CSMD3: variants seen among roughly 807,000 people sequenced by gnomAD.
CSMD3 encodes the protein CUB and Sushi multiple domains 3, also known as CUB and sushi domain-containing protein 3.
CSMD3 carries 177 observed loss-of-function variants against 435.2 expected under a neutral mutation model. The observed-to-expected ratio is 0.41, with a 90% CI of 0.36 to 0.46. CSMD3 has a LOEUF of 0.46. Among genes scored for constraint, CSMD3 ranks in the 20% least tolerant of loss-of-function variants. The pLI, the probability that CSMD3 is intolerant of heterozygous loss-of-function variation, is 0.34. For synonymous variants in CSMD3, 1,656 were observed against 1,520.5 expected, an observed-to-expected ratio of 1.09 and a Z score of -2.07; for missense variants, 4,265 against 4,504.6, an observed-to-expected ratio of 0.95 and a Z score of 1.52.
chr8:112,374,910 G>A (rs1442775208), intron 38 of CSMD3, among the ~76,000 whole-genome samples: 1 of 152,018 alleles, frequency 6.6e-6, no homozygotes, highest in African/African-American at 2.4e-5. Context: ...AAGTGTCTAG[G>A]GATCATTTTG....
intron 5 of CSMD3, among the ~76,000 whole-genome samples, chr8:113,029,377 C>T (rs925863189): frequency 1.3e-5 from 2 of 151,468 alleles, no homozygotes; most frequent in African/African-American, 4.8e-5. Context: ...AAATCTGTAA[C>T]AAAATACTAG....
At chr8:112,300,712 A>C (rs73326611) in intron 53 of CSMD3, among the ~76,000 whole-genome samples, 6,566 of 152,254 alleles carry the variant, frequency 0.043, 233 homozygotes, top group East Asian at 0.15. Context: ...GTGTGCTCTT[A>C]TAAAGAAATT....
chr8:112,999,048 C>G (rs959823233), intron 6 of CSMD3, among the ~76,000 whole-genome samples: 2 of 151,902 alleles, frequency 1.3e-5, no homozygotes, highest in Non-Finnish European at 2.9e-5. Flanking sequence ...ACCATTCTAT[C>G]TCTTCAATTT....
intron 32 of CSMD3, among the ~76,000 whole-genome samples, chr8:112,464,841 C>T (rs1817802075): frequency 6.6e-6 from 1 of 152,112 alleles, no homozygotes; most frequent in Non-Finnish European, 1.5e-5. Context: ...CAATAAGGCA[C>T]ACCCTATAAT....
At chr8:112,499,064 G>T (rs1821664824) in intron 30 of CSMD3, among the ~76,000 whole-genome samples, 1 of 152,012 alleles carries the variant, frequency 6.6e-6, no homozygotes, top group Non-Finnish European at 1.5e-5. Flanking sequence ...TGTGTAGGGG[G>T]CTACTGGAGT....
chr8:112,445,541 T>C (rs1815508020), intron 32 of CSMD3, among the ~76,000 whole-genome samples: 1 of 152,058 alleles, frequency 6.6e-6, no homozygotes, highest in African/African-American at 2.4e-5. Context: ...CAACCAGCTA[T>C]CACATGAACT....
chr8:113,011,703 G>A (rs993900047), intron 6 of CSMD3, among the ~76,000 whole-genome samples: 17 of 151,472 alleles, frequency 1.1e-4, no homozygotes, highest in African/African-American at 2.9e-4. Context: ...ATTTAAAATC[G>A]TTCTTGATTA....
At chr8:112,306,648 A>G (rs1046938679) in intron 50 of CSMD3, among the ~76,000 whole-genome samples, 19 of 152,200 alleles carry the variant, frequency 1.2e-4, no homozygotes, top group Non-Finnish European at 2.8e-4. Context: ...GAATAAATCA[A>G]ATAGATTTAT....
chr8:112,248,108 A>G (rs1206956182), intron 63 of CSMD3, among the ~76,000 whole-genome samples: 1 of 152,126 alleles, frequency 6.6e-6, no homozygotes, highest in Non-Finnish European at 1.5e-5. Flanking sequence ...CTTTACTTGA[A>G]TAAGTCATAT....
intron 22 of CSMD3, among the ~76,000 whole-genome samples, chr8:112,621,838 T>C (rs1269573155): frequency 1.3e-5 from 2 of 152,180 alleles, no homozygotes; most frequent in African/African-American, 4.8e-5. Flanking sequence ...AAAATATCTA[T>C]ATGCTAATAT....
chr8:112,578,547 T>G (rs775457135), intron 23 of CSMD3, among the ~76,000 whole-genome samples: 26 of 151,886 alleles, frequency 1.7e-4, no homozygotes, highest in Non-Finnish European at 2.6e-4. Context: ...CAGATATGTG[T>G]GCTGGACATA....
At chr8:112,767,882 C>G (rs966494026) in intron 13 of CSMD3, among the ~76,000 whole-genome samples, 1 of 151,706 alleles carries the variant, frequency 6.6e-6, no homozygotes, top group Admixed American at 6.6e-5. Context: ...ATTGAGCAAG[C>G]CTTTTATATC....
At chr8:113,171,607 T>G (rs1243408393) in intron 4 of CSMD3, among the ~76,000 whole-genome samples, 1 of 152,122 alleles carries the variant, frequency 6.6e-6, no homozygotes, top group Non-Finnish European at 1.5e-5. Context: ...ATCCAATTCC[T>G]CCAATTATAA....
Position 112,686,702 on chromosome 8 carries a change from T to C in CSMD3, c.2156-970A>G, listed in dbSNP as rs146282853. ...GGTTTCGCCATATTGGTCAAGCTGA[T>C]CTCGAACGCCTGACCTCAAGTGATC... is the stretch of plus-strand genomic sequence containing the variant. On this transcript the variant is annotated intron_variant, in intron 14 of 70. Coordinates refer to ENST00000297405, the MANE Select transcript of CSMD3 (RefSeq NM_198123.2). 7.4e-3 allele frequency among the ~76,000 whole-genome samples: 1,125 copies of C among 152,038 alleles called. 12 individuals carry two copies. Among genetic ancestry groups the C allele is most frequent in the African/African-American group, 0.025 (1,036 of 41,516 alleles).
At chr8:112,706,979 C>G (rs2076512076) in intron 13 of CSMD3, among the ~76,000 whole-genome samples, 1 of 151,948 alleles carries the variant, frequency 6.6e-6, no homozygotes, top group Non-Finnish European at 1.5e-5. Flanking sequence ...CTCTGAAGTA[C>G]CTTGAATGAA....
rs1832287088 is a variant in CSMD3, at chr8:112,410,628, G to GTATATATGTATATATATGTGTA, written c.5396-1597_5396-1596insTACACATATATATACATATATA. 3.1e-4 allele frequency among the ~76,000 whole-genome samples: 22 copies of GTATATATGTATATATATGTGTA among 69,952 alleles called. 2 individuals are homozygous for GTATATATGTATATATATGTGTA. Among genetic ancestry groups the GTATATATGTATATATATGTGTA allele is most frequent in the African/African-American group, 8.8e-4 (19 of 21,670 alleles). 45.9% of individuals were successfully genotyped at this position (69,952 alleles called of 152,430 possible). A position where few individuals can be genotyped will look rare whatever the true frequency, so the allele number is the denominator to read the frequency against. On this transcript the variant is annotated intron_variant, in intron 32 of 70. Coordinates refer to ENST00000297405, the MANE Select transcript of CSMD3 (RefSeq NM_198123.2). ...TGTATATATATATGTATATATATGT[G>GTATATATGTATATATATGTGTA]TATATATATGTATATATATATGTGT...
intron 2 of CSMD3, among the ~76,000 whole-genome samples, chr8:113,279,596 T>A (rs1415609805): frequency 6.6e-6 from 1 of 151,766 alleles, no homozygotes; most frequent in East Asian, 1.9e-4. Flanking sequence ...GTTTAAATAA[T>A]CAGCATGTAG....
intron 59 of CSMD3, among the ~76,000 whole-genome samples, chr8:112,275,382 T>C (rs921248681): frequency 2.6e-5 from 4 of 152,130 alleles, no homozygotes; most frequent in African/African-American, 9.6e-5. Context: ...ACCCTGTCTC[T>C]ACTAAAAATA....
In CSMD3 at chr8:112,666,306, A is replaced by G. The variant is rs142332900; in HGVS notation, c.2787T>C (p.Pro929=). 7.5e-5 allele frequency: 121 copies of G among 1,612,112 alleles called. No homozygotes were observed. Among genetic ancestry groups the G allele is most frequent in the Non-Finnish European group, 4.1e-5 (48 of 1,178,774 alleles). ...LNCEWVIEAE[P]GHSIKITFER... is the part of the protein sequence containing the mutation. ...CAAATGTAATTTTGATAGAGTGTCC[A>G]GGTTCAGCTTCAATCACCCACTCAC... The change falls in exon 17 of 71, where the codon CCT becomes CCC. Residue 929 remains proline (P), a synonymous_variant. Transcript: ENST00000297405.
Sources: allele counts gnomAD v4.1 joint callset (sites outside exome capture counted in the v4.1 genomes callset), GRCh38; gene constraint gnomAD v4.1.1; transcripts MANE v1.5; gene names NCBI Gene and HGNC (gene_info 2026-07-23, HGNC 2026-07-21).